Variants in IPO11 observed in about 807,000 individuals in gnomAD.
IPO11 encodes the protein importin 11.
Under a neutral mutation model 143.2 loss-of-function variants are expected in IPO11, and 66 were observed. The ratio of observed to expected loss-of-function variants is 0.46; its 90% CI spans 0.38 to 0.57. The LOEUF (loss-of-function observed/expected upper bound fraction) is 0.57. Ranked by LOEUF, IPO11 falls within the 20% of genes least tolerant of loss-of-function variation. IPO11 has a pLI of 0.00. For synonymous variants in IPO11, 385 were observed against 377.8 expected (o/e 1.02, Z -0.22); for missense variants, 1,026 against 1,141.0 (o/e 0.90, Z 1.45).
At chr5:62,542,207 T>C (rs1742978243) in intron 24 of IPO11, among the ~76,000 whole-genome samples, 1 of 152,100 alleles carries the variant, frequency 6.6e-6, no homozygotes, top group Admixed American at 6.5e-5. Flanking sequence ...AGTATGTGTT[T>C]AAGATGGTAT....
rs66748975 is a variant in IPO11 at position 62,568,574 on chromosome 5, CA to C, written c.2582+7340del. 3.2e-3 allele frequency among the ~76,000 whole-genome samples: 167 copies of C among 51,902 alleles called. 1 individual carries two copies. Among genetic ancestry groups the C allele is most frequent in the East Asian group, 6.0e-3 (9 of 1,512 alleles). The allele number at this position is 51,902 out of a possible 152,430, so 34.0% of individuals were successfully genotyped here. ...GGGCGACAGAGCAAGACTCTGTCTC[CA>C]AAAAAAAAAAAAAAAAAAAAAATTC... On this transcript the variant is annotated intron_variant, in intron 27 of 29. Transcript: ENST00000325324.
chr5:62,531,519 G>A (rs1478460560), intron 22 of IPO11, among the ~76,000 whole-genome samples: 2 of 151,958 alleles, frequency 1.3e-5, no homozygotes, highest in Non-Finnish European at 2.9e-5. Context: ...TAGTAGAGAC[G>A]GGGTTTCACC....
chr5:62,551,875 C>T (rs1456498220), intron 26 of IPO11, among the ~76,000 whole-genome samples: 1 of 152,118 alleles, frequency 6.6e-6, no homozygotes, highest in African/African-American at 2.4e-5. Context: ...CCTGTAATCC[C>T]AGCACTTTGG....
intron 5 of IPO11, 38 bp downstream of exon 5, chr5:62,451,971 T>A (rs762125243): frequency 6.4e-7 from 1 of 1,562,340 alleles, no homozygotes; most frequent in South Asian, 1.1e-5. Context: ...ATTATGAAAA[T>A]TGTGCGGCCG....
chr5:62,559,414 A>G (rs930403650), intron 26 of IPO11, among the ~76,000 whole-genome samples: 1 of 151,304 alleles, frequency 6.6e-6, no homozygotes, highest in Non-Finnish European at 1.5e-5. Flanking sequence ...ATGATGGACT[A>G]TTTGGTCCTC....
In IPO11 at chr5:62,580,300, T is replaced by A. The variant is rs1007159621; in HGVS notation, c.2583-11277T>A. 7 of 1,538,358 alleles carry A rather than the reference T, an allele frequency of 4.6e-6. No individual in the cohort carries two copies. In the African/African-American group the frequency reaches 9.6e-5, roughly 21 times the overall value. ...ACATTTGATCTTAAGTCATAATGAT[T>A]TAGAGAATTTAAATTCTGACACATT... On this transcript the variant is annotated intron_variant, in intron 27 of 29. Coordinates refer to ENST00000325324, the MANE Select transcript of IPO11 (RefSeq NM_016338.5).
rs768131470 is a variant in IPO11, at chr5:62,483,275, C to A, written c.1003C>A (p.Pro335Thr). ...KMIVKNYAYKPSKNFEDSSPE... is the reference protein window; with the variant it reads ...KMIVKNYAYKTSKNFEDSSPE... ...GATTGTCAAAAATTATGCTTATAAGCCATCCAAAAATTTTGAAGGTAATTC... is the reference window on the plus strand; with the variant it reads ...GATTGTCAAAAATTATGCTTATAAGACATCCAAAAATTTTGAAGGTAATTC... The change falls in exon 10 of 30, where the codon CCA (proline) becomes ACA (threonine). Residue 335 changes from proline to threonine, a missense_variant. By Grantham distance (38) the Pro-to-Thr change is conservative. Around this residue, in one of 5 missense-constraint regions of IPO11, gnomAD observed 429 missense variants for 456.3 expected, o/e 0.94. Transcript: ENST00000325324. 2.6e-6 allele frequency: 4 copies of A among 1,566,838 alleles called. No homozygotes were observed. The highest frequency in any genetic ancestry group is 3.5e-6 in the Non-Finnish European group (4 of 1,157,164).
intron 9 of IPO11, among the ~76,000 whole-genome samples, chr5:62,481,953 G>T (rs1487698367): frequency 6.6e-6 from 1 of 152,088 alleles, no homozygotes; most frequent in South Asian, 2.1e-4. Flanking sequence ...ATTGATTATT[G>T]CCTCAATTTC....
intron 16 of IPO11, among the ~76,000 whole-genome samples, chr5:62,500,893 G>A (rs142209016): frequency 1.8e-3 from 281 of 152,276 alleles, no homozygotes; most frequent in African/African-American, 6.5e-3. Flanking sequence ...TGTTTTGACA[G>A]CCATGACATC....
chr5:62,456,821 C>T (rs988944884), intron 5 of IPO11, among the ~76,000 whole-genome samples: 3 of 152,098 alleles, frequency 2.0e-5, no homozygotes, highest in Admixed American at 1.3e-4. Flanking sequence ...GGGCCGGGTG[C>T]GGTGGCTCAC....
At position 62,551,256 on chromosome 5, in the gene IPO11, G is replaced by GTTA; in HGVS notation, c.2382_2384dup (p.Val794_Met795insIle). 6.2e-7 allele frequency: 1 copy of GTTA among 1,609,672 alleles called. No homozygotes were observed. Among genetic ancestry groups the GTTA allele is most frequent in the Non-Finnish European group, 8.5e-7 (1 of 1,177,114 alleles). On this transcript the variant is annotated inframe_insertion, in exon 26 of 30. Transcript: ENST00000325324. ...TGTAGTGATGTCCACGTATCTTGGA[G>GTTA]TTATGGGTCGAGTTCTACTACAAAA...
intron 1 of IPO11, among the ~76,000 whole-genome samples, chr5:62,435,112 A>G (rs1245494385): frequency 7.6e-5 from 6 of 78,488 alleles, no homozygotes; most frequent in Non-Finnish European, 1.5e-4. Flanking sequence ...ATATATATGT[A>G]TATATGTATA....
chr5:62,557,411 G>A (rs1436287001), intron 26 of IPO11, among the ~76,000 whole-genome samples: 1 of 152,118 alleles, frequency 6.6e-6, no homozygotes, highest in Non-Finnish European at 1.5e-5. Context: ...TTGAACTCCC[G>A]ACTTCAGGTG....
At position 62,627,396 on chromosome 5, in the gene IPO11, G is replaced by T. The variant is rs896508464; in HGVS notation, c.*78G>T. ...GCCTGCCGTTTGTATGTGAGAGCCT[G>T]CTGAGATGAAGAAATCACTTCATGA... On this transcript the variant is annotated 3_prime_UTR_variant, in exon 30 of 30. Transcript: ENST00000325324. The T allele has an allele frequency of 8.2e-6, 11 of 1,336,076 alleles. No homozygotes were observed. The African/African-American group carries it at 1.5e-4, about 18-fold the overall frequency. 82.8% of individuals were successfully genotyped at this position (1,336,076 alleles called of 1,614,324 possible). A position where few individuals can be genotyped will look rare whatever the true frequency, so the allele number is the denominator to read the frequency against.
chr5:62,558,321 A>G (rs904711896), intron 26 of IPO11, among the ~76,000 whole-genome samples: 9 of 152,238 alleles, frequency 5.9e-5, no homozygotes, highest in Admixed American at 2.6e-4. Context: ...AAGCTAGTTT[A>G]GAACATCATC....
At position 62,484,085 on chromosome 5, in the gene IPO11, G is replaced by A. The variant is rs1457261767; in HGVS notation, c.1097G>A (p.Cys366Tyr). ...ACATATCCTACTTTGACAGAGATATGTAGAAGATTAGTCTCTCATTATTTC... is the reference window on the plus strand; with the variant it reads ...ACATATCCTACTTTGACAGAGATATATAGAAGATTAGTCTCTCATTATTTC... ...FFTYPTLTEI[C>Y]RRLVSHYFLL... Residue 366 changes from cysteine to tyrosine, a missense_variant, in exon 11 of 30, where the codon TGT (cysteine) becomes TAT (tyrosine). By Grantham distance (194) the Cys-to-Tyr change is radical (BLOSUM62 -2). Around this residue, in one of 5 missense-constraint regions of IPO11, gnomAD observed 429 missense variants for 456.3 expected, o/e 0.94. Transcript: ENST00000325324. 9.3e-6 allele frequency: 15 copies of A among 1,609,494 alleles called. No homozygotes were observed. The highest frequency in any genetic ancestry group is 1.3e-5 in the Non-Finnish European group (15 of 1,177,580).
Position 62,627,433 on chromosome 5 carries a change from G to T in IPO11, c.*115G>T, listed in dbSNP as rs1489344912. On this transcript the variant is annotated 3_prime_UTR_variant, in exon 30 of 30. Transcript: ENST00000325324. ...AAATCACTTCATGAAAATAAGCAAA[G>T]ACCACACATTTTTTACTACAAAATG... The T allele has an allele frequency of 1.0e-6, 1 of 962,374 alleles. No individual in the cohort carries two copies. Among genetic ancestry groups the T allele is most frequent in the Non-Finnish European group, 1.5e-6 (1 of 657,630 alleles). The allele number at this position is 962,374 out of a possible 1,614,324, so 59.6% of individuals were successfully genotyped here.
At chr5:62,527,123 T>C (rs1301827496) in intron 21 of IPO11, among the ~76,000 whole-genome samples, 2 of 152,248 alleles carry the variant, frequency 1.3e-5, no homozygotes, top group Non-Finnish European at 2.9e-5. Flanking sequence ...TAGATACTTA[T>C]TAATTTGTGG....
intron 1 of IPO11, among the ~76,000 whole-genome samples, chr5:62,423,053 G>T (rs1156356726): frequency 6.6e-6 from 1 of 152,156 alleles, no homozygotes; most frequent in African/African-American, 2.4e-5. Flanking sequence ...TATTCCCAGT[G>T]AAAAGTATTA....
Sources: allele counts gnomAD v4.1 joint callset (sites outside exome capture counted in the v4.1 genomes callset), GRCh38; gene constraint gnomAD v4.1.1; regional missense constraint gnomAD v4.1.1; transcripts MANE v1.5; gene names NCBI Gene and HGNC (gene_info 2026-07-23, HGNC 2026-07-21).